The following PARD3B variants were observed in gnomAD, a reference collection of about 807,000 sequenced individuals.
PARD3B encodes the protein partitioning defective 3 homolog B.
Under a neutral mutation model 130.2 loss-of-function variants are expected in PARD3B, and 103 were observed. The ratio of observed to expected loss-of-function variants is 0.79; its 90% CI spans 0.67 to 0.93. The LOEUF is 0.93. Among genes scored for constraint, PARD3B ranks in the 40% least tolerant of loss-of-function variants. PARD3B has a pLI of 0.00. For missense variants in PARD3B, 1,609 were observed against 1,499.2 expected (o/e 1.07, Z -1.21); for synonymous variants, 583 against 553.2 (o/e 1.05, Z -0.76).
intron 11 of PARD3B, among the ~76,000 whole-genome samples, chr2:205,169,951 A>T (rs2035056466): frequency 1.5e-5 from 2 of 131,776 alleles, no homozygotes; most frequent in Non-Finnish European, 1.6e-5. Context: ...TTTTTTGGAG[A>T]TGGAGTTTCG....
rs1696562950 is a variant in PARD3B, at chr2:205,021,102, G to T, written c.395-26479G>T. On this transcript the variant is annotated intron_variant, in intron 3 of 22. Coordinates refer to ENST00000406610, the MANE Select transcript of PARD3B (RefSeq NM_001302769.2). The surrounding 1 kb of genome is among the most constrained non-coding windows in gnomAD (Gnocchi z 4.5). ...GGGCAGAGAAAGCACCAGTTCCTAT[G>T]TACTACCTCCAAACCAGAAATTTCT... Among the ~76,000 whole-genome samples the T allele has an allele frequency of 6.6e-6, 1 of 152,114 alleles. No individual in the cohort carries two copies. The highest frequency in any genetic ancestry group is 2.1e-4 in the South Asian group (1 of 4,826).
chr2:204,771,720 C>A (rs2041394277), intron 2 of PARD3B, among the ~76,000 whole-genome samples: 1 of 151,990 alleles, frequency 6.6e-6, no homozygotes, highest in South Asian at 2.1e-4. Flanking sequence ...GACACTTTTT[C>A]CCATGTCTTT....
At chr2:204,764,711 C>CGTGTGTGTGT (rs1559126727) in intron 2 of PARD3B, among the ~76,000 whole-genome samples, 1 of 41,788 alleles carries the variant, frequency 2.4e-5, no homozygotes, top group African/African-American at 8.0e-5. Flanking sequence ...ATCTGGCATG[C>CGTGTGTGTGT]ATGCGTGTGT....
intron 18 of PARD3B, among the ~76,000 whole-genome samples, chr2:205,373,719 C>T (rs911981067): frequency 1.3e-5 from 2 of 152,130 alleles, no homozygotes; most frequent in South Asian, 4.1e-4. Context: ...TCCTTAAATA[C>T]GTTGTTGATT....
At chr2:205,216,813 A>T (rs1167103534) in intron 15 of PARD3B, among the ~76,000 whole-genome samples, 1 of 152,140 alleles carries the variant, frequency 6.6e-6, no homozygotes, top group Non-Finnish European at 1.5e-5. Context: ...ATCCGTACCA[A>T]ACTGTTGTTG....
intron 2 of PARD3B, among the ~76,000 whole-genome samples, chr2:204,956,581 T>C (rs986103691): frequency 2.0e-5 from 3 of 152,036 alleles, no homozygotes; most frequent in African/African-American, 7.3e-5. Context: ...CAGCTTGTTT[T>C]GTGTCTCCAT....
intron 2 of PARD3B, among the ~76,000 whole-genome samples, chr2:204,916,256 A>G (rs1414840570): frequency 6.6e-6 from 1 of 152,264 alleles, no homozygotes; most frequent in African/African-American, 2.4e-5. Flanking sequence ...TTTGTGAAAC[A>G]GAAAACATTA....
At chr2:205,117,746 C>T in intron 6 of PARD3B, among the ~76,000 whole-genome samples, 1 of 152,326 alleles carries the variant, frequency 6.6e-6, no homozygotes, top group East Asian at 1.9e-4. Flanking sequence ...ACTCCTCTTG[C>T]AGGACATATC....
At chr2:204,811,961 A>C (rs573218091) in intron 2 of PARD3B, among the ~76,000 whole-genome samples, 62 of 152,260 alleles carry the variant, frequency 4.1e-4, no homozygotes, top group African/African-American at 1.3e-3. Flanking sequence ...GTATATACCC[A>C]TAAAAGTTCA....
In PARD3B at chr2:204,610,606, C is replaced by T. The variant is rs528936332; in HGVS notation, c.120+64487C>T. Among the ~76,000 whole-genome samples, 398 of 152,258 alleles carry T rather than the reference C, an allele frequency of 2.6e-3. No individual in the cohort carries two copies. Among genetic ancestry groups the T allele is most frequent in the Non-Finnish European group, 4.4e-3 (301 of 68,024 alleles). On this transcript the variant is annotated intron_variant, in intron 1 of 22. Coordinates refer to ENST00000406610, the MANE Select transcript of PARD3B (RefSeq NM_001302769.2). This position sits in a 1 kb window ranked among gnomAD's most constrained non-coding sequence, Gnocchi z 4.1. ...AACTCCTGACCTCAGGTGATCCACC[C>T]GCATTGGCCTCCCAAAGTGCTGGGA...
rs573255787 is a variant in PARD3B, at chr2:204,755,975, A to G, written c.222+69693A>G. Reference sequence around the variant, plus strand: ...GGGCAAGAGTAGCATTGCTATGTATATAAGAGTTTACCTGGATACTTGTCT... The same window carrying G: ...GGGCAAGAGTAGCATTGCTATGTATGTAAGAGTTTACCTGGATACTTGTCT... On this transcript the variant is annotated intron_variant, in intron 2 of 22. Coordinates refer to ENST00000406610, the MANE Select transcript of PARD3B (RefSeq NM_001302769.2). Among the ~76,000 whole-genome samples, 7 of 152,240 alleles carry G rather than the reference A, an allele frequency of 4.6e-5. No homozygotes were observed. In the South Asian group the frequency reaches 6.2e-4, roughly 14 times the overall value.
Position 205,121,002 on chromosome 2 carries a change from AG to A in PARD3B, c.807-587del. The stretch of plus-strand genomic sequence containing the variant: ...CACAGTTGCTCTGTGTGAGAGTAAC[AG>A]GAAGGGTGCATGTTGGATTGAAATT... On this transcript the variant is annotated intron_variant, in intron 7 of 22. Coordinates refer to ENST00000406610, the MANE Select transcript of PARD3B (RefSeq NM_001302769.2). The surrounding 1 kb of genome is among the most constrained non-coding windows in gnomAD (Gnocchi z 5.0). Among the ~76,000 whole-genome samples, 1 of 152,326 alleles carries A rather than the reference AG, an allele frequency of 6.6e-6. No individual in the cohort carries two copies. Among genetic ancestry groups the A allele is most frequent in the East Asian group, 1.9e-4 (1 of 5,174 alleles).
At chr2:204,597,974 A>T (rs1003888420) in intron 1 of PARD3B, among the ~76,000 whole-genome samples, 1 of 152,182 alleles carries the variant, frequency 6.6e-6, no homozygotes, top group African/African-American at 2.4e-5. Context: ...ACATCTATTA[A>T]TGTCCCATAG....
At position 205,133,768 on chromosome 2, in the gene PARD3B, C is replaced by T. The variant is rs116267734; in HGVS notation, c.1434+8031C>T. ...ATGCAGTTACCCAACTCAATTACCC[C>T]TGATTCATTTAGGCAAACTCAATTG... On this transcript the variant is annotated intron_variant, in intron 10 of 22. Transcript: ENST00000406610. 1.5e-3 allele frequency among the ~76,000 whole-genome samples: 236 copies of T among 152,314 alleles called. 1 individual carries two copies. Among genetic ancestry groups the T allele is most frequent in the African/African-American group, 5.1e-3 (214 of 41,574 alleles).
intron 16 of PARD3B, among the ~76,000 whole-genome samples, chr2:205,262,424 A>C (rs1174065888): frequency 6.6e-6 from 1 of 152,082 alleles, no homozygotes; most frequent in Admixed American, 6.6e-5. Flanking sequence ...GGCAACGAGA[A>C]CTGGCTTTGC....
At chr2:205,086,996 C>T (rs1701779733) in intron 4 of PARD3B, among the ~76,000 whole-genome samples, 1 of 152,176 alleles carries the variant, frequency 6.6e-6, no homozygotes, top group Admixed American at 6.5e-5. Flanking sequence ...GTTAGCAGCC[C>T]TCCTCTAGCT....
chr2:204,706,224 G>A (rs1204064837), intron 2 of PARD3B, among the ~76,000 whole-genome samples: 6 of 151,846 alleles, frequency 4.0e-5, no homozygotes, highest in East Asian at 3.9e-4. Flanking sequence ...AAAATTAGCC[G>A]GGCATGGTGG....
At position 205,160,438 on chromosome 2, in the gene PARD3B, C is replaced by T. The variant is rs1416965090; in HGVS notation, c.1620+1531C>T. 6.6e-6 allele frequency among the ~76,000 whole-genome samples: 1 copy of T among 152,114 alleles called. No individual in the cohort carries two copies. The highest frequency in any genetic ancestry group is 1.9e-4 in the East Asian group (1 of 5,180). ...GAGGGCCAGCGGCAGTGGGTGAATCCGCGGGCTCCAAGCTAGCACACTGTC... is the reference window on the plus strand; with the variant it reads ...GAGGGCCAGCGGCAGTGGGTGAATCTGCGGGCTCCAAGCTAGCACACTGTC... On this transcript the variant is annotated intron_variant, in intron 11 of 22. Transcript: ENST00000406610. The surrounding 1 kb of genome is among the most constrained non-coding windows in gnomAD (Gnocchi z 4.0).
intron 18 of PARD3B, among the ~76,000 whole-genome samples, chr2:205,369,788 A>G (rs1219538217): frequency 6.6e-6 from 1 of 152,182 alleles, no homozygotes; most frequent in African/African-American, 2.4e-5. Context: ...CTTAACTTTT[A>G]CATTCTTACT....
Sources: allele counts gnomAD v4.1 joint callset (sites outside exome capture counted in the v4.1 genomes callset), GRCh38; gene constraint gnomAD v4.1.1; non-coding constraint Gnocchi (gnomAD v3.1); transcripts MANE v1.5; gene names NCBI Gene and HGNC (gene_info 2026-07-23, HGNC 2026-07-21).